PDE4D: variants seen among roughly 807,000 people sequenced by gnomAD.
The protein encoded by PDE4D is phosphodiesterase 4D, also known as 3',5'-cyclic-AMP phosphodiesterase 4D.
A neutral mutation model predicts 87.4 loss-of-function variants in PDE4D; 24 were observed. The ratio of observed to expected loss-of-function variants is 0.27; its 90% confidence interval spans 0.20 to 0.39. The LOEUF (loss-of-function observed/expected upper bound fraction) is 0.39. Among genes scored for constraint, PDE4D ranks in the 10% least tolerant of loss-of-function variants. PDE4D has a pLI of 1.00. For missense variants in PDE4D, 714 were observed against 1,041.0 expected (o/e 0.69, Z 4.32); for synonymous variants, 384 against 383.2 (o/e 1.00, Z -0.02).
intron 1 of PDE4D, chr5:59,430,617 G>A (rs972151388): frequency 1.3e-5 from 5 of 371,788 alleles, no homozygotes; most frequent in Admixed American, 4.6e-5. Context: ...TTCTGTTCAT[G>A]GATACAAGAA....
At chr5:59,971,318 T>C (rs912540555) in intron 3 of PDE4D, among the ~76,000 whole-genome samples, 10 of 149,660 alleles carry the variant, frequency 6.7e-5, no homozygotes, top group Non-Finnish European at 1.3e-4. Flanking sequence ...GTAACTAACC[T>C]GCACAATGTA....
chr5:60,034,795 A>T (rs1767606079), intron 2 of PDE4D, among the ~76,000 whole-genome samples: 1 of 152,194 alleles, frequency 6.6e-6, no homozygotes, highest in South Asian at 2.1e-4. Flanking sequence ...TGTCTCTGCA[A>T]GATGAGAAAT....
intron 1 of PDE4D, among the ~76,000 whole-genome samples, chr5:59,755,999 G>GAT (rs1227867816): frequency 6.6e-6 from 1 of 151,258 alleles, no homozygotes. Context: ...ATTTAAAAAT[G>GAT]ATATATATAA....
At chr5:60,144,537 T>C (rs1780831639) in intron 2 of PDE4D, among the ~76,000 whole-genome samples, 1 of 152,224 alleles carries the variant, frequency 6.6e-6, no homozygotes, top group South Asian at 2.1e-4. Context: ...TCACTGCTAT[T>C]CCATTAAAAA....
In PDE4D at chr5:59,794,514, T is replaced by G. The variant is rs556534365; in HGVS notation, c.455+98654A>C. Among the ~76,000 whole-genome samples, 8 of 152,124 alleles carry G rather than the reference T, an allele frequency of 5.3e-5. No homozygotes were observed. In the South Asian group the frequency reaches 1.7e-3, roughly 32 times the overall value. Reference sequence around the variant, plus strand: ...CCTCCCTCCTGCTTGCAGGTCCGCTTTCAGAGCCTTCCCTCAGGGCTTATG... The same window carrying G: ...CCTCCCTCCTGCTTGCAGGTCCGCTGTCAGAGCCTTCCCTCAGGGCTTATG... On this transcript the variant is annotated intron_variant, in intron 1 of 14. Transcript: ENST00000340635.
intron 1 of PDE4D, chr5:59,558,421 G>C (rs755225800): frequency 6.6e-6 from 1 of 151,956 alleles, no homozygotes; most frequent in Non-Finnish European, 1.5e-5. Flanking sequence ...AGATAACTGG[G>C]TAAAAGCATA....
At chr5:60,042,628 C>T (rs1768656097) in intron 2 of PDE4D, among the ~76,000 whole-genome samples, 1 of 152,196 alleles carries the variant, frequency 6.6e-6, no homozygotes, top group Non-Finnish European at 1.5e-5. Context: ...TGTTCTACAG[C>T]CTCTGCTGGT....
intron 1 of PDE4D, among the ~76,000 whole-genome samples, chr5:60,231,942 GC>G (rs1745859985): frequency 6.6e-6 from 1 of 151,942 alleles, no homozygotes; most frequent in African/African-American, 2.4e-5. Flanking sequence ...GAGACATCCC[GC>G]TGTGAGCTGA....
At chr5:60,456,198 G>C (rs1217498213) in intron 1 of PDE4D, among the ~76,000 whole-genome samples, 1 of 152,168 alleles carries the variant, frequency 6.6e-6, no homozygotes, top group Non-Finnish European at 1.5e-5. Flanking sequence ...TAGGAATTGT[G>C]GGGTACCAAG....
At chr5:60,048,108 A>G (rs1162142154) in intron 2 of PDE4D, among the ~76,000 whole-genome samples, 1 of 151,734 alleles carries the variant, frequency 6.6e-6, no homozygotes, top group Non-Finnish European at 1.5e-5. Context: ...TGATCCCTTT[A>G]CCATTATGTA....
At chr5:59,618,314 T>C (rs1397820371) in intron 1 of PDE4D, among the ~76,000 whole-genome samples, 1 of 152,088 alleles carries the variant, frequency 6.6e-6, no homozygotes, top group Non-Finnish European at 1.5e-5. Flanking sequence ...GAATGGAAGA[T>C]GTAAGACCTG....
At chr5:59,750,423 C>T (rs1760270159) in intron 1 of PDE4D, among the ~76,000 whole-genome samples, 1 of 152,124 alleles carries the variant, frequency 6.6e-6, no homozygotes, top group African/African-American at 2.4e-5. Flanking sequence ...CCCCCTCCCT[C>T]AAATACGCCA....
rs576696285 is a variant in PDE4D, at chr5:59,380,300, A to T, written c.456-164332T>A. Among the ~76,000 whole-genome samples the T allele has an allele frequency of 4.6e-4, 70 of 152,030 alleles. 1 individual carries two copies. Among genetic ancestry groups the T allele is most frequent in the African/African-American group, 1.6e-3 (66 of 41,486 alleles). ...CCACATGAAAATTAGAATCTAAAGC[A>T]ATTAAAAAAACTATTAGGAAATGAA... On this transcript the variant is annotated intron_variant, in intron 1 of 14. Coordinates refer to ENST00000340635, the MANE Select transcript of PDE4D (RefSeq NM_001104631.2).
chr5:59,793,079 G>C (rs1000701237), intron 1 of PDE4D, among the ~76,000 whole-genome samples: 2 of 152,216 alleles, frequency 1.3e-5, no homozygotes, highest in Non-Finnish European at 2.9e-5. Context: ...TAGGAAATCA[G>C]AGCAAGACTA....
intron 1 of PDE4D, among the ~76,000 whole-genome samples, chr5:60,300,407 G>A (rs1237666541): frequency 6.6e-6 from 1 of 152,092 alleles, no homozygotes; most frequent in Non-Finnish European, 1.5e-5. Context: ...AGTTTAATTA[G>A]ATCCCATTTG....
At chr5:58,991,041 G>T in intron 8 of PDE4D, 139 bp from the exon 9 acceptor site, 1 of 576,404 alleles carries the variant, frequency 1.7e-6, no homozygotes, top group Non-Finnish European at 3.0e-6. Flanking sequence ...AGAACTTTGG[G>T]AGGCTGAGGC....
intron 1 of PDE4D, among the ~76,000 whole-genome samples, chr5:59,255,368 GA>G (rs1315775156): frequency 7.9e-5 from 12 of 152,032 alleles, no homozygotes; most frequent in Admixed American, 7.9e-4. Flanking sequence ...AATTATAGAG[GA>G]AAAAAACGTA....
At chr5:59,661,336 G>C (rs528049240) in intron 1 of PDE4D, among the ~76,000 whole-genome samples, 1 of 152,150 alleles carries the variant, frequency 6.6e-6, no homozygotes, top group South Asian at 2.1e-4. Flanking sequence ...TCCAAGTTAA[G>C]GGGCGAGACA....
chr5:59,204,724 G>A (rs1032074475), intron 2 of PDE4D, among the ~76,000 whole-genome samples: 1 of 152,168 alleles, frequency 6.6e-6, no homozygotes, highest in Non-Finnish European at 1.5e-5. Context: ...TTGTGTTCTA[G>A]GAACGGGATC....
Sources: gnomAD v4.1 joint callset for allele counts (sites outside exome capture counted in the v4.1 genomes callset) on GRCh38, gnomAD v4.1.1 for gene constraint, MANE v1.5 for transcripts, NCBI Gene and HGNC (gene_info 2026-07-23, HGNC 2026-07-21) for gene names.